Variants in FLNC observed in about 807,000 individuals in gnomAD.
FLNC encodes the protein filamin-C.
In FLNC, 91 loss-of-function variants were observed where a neutral mutation model predicts 254.3. The ratio of observed to expected loss-of-function variants is 0.36; its 90% confidence interval spans 0.30 to 0.43. FLNC has a LOEUF of 0.43. Among genes scored for constraint, FLNC ranks in the 20% least tolerant of loss-of-function variants. FLNC has a pLI of 1.00. For missense variants in FLNC, 2,853 were observed against 3,802.6 expected, an observed-to-expected ratio of 0.75 and a Z score of 6.57; for synonymous variants, 1,430 against 1,577.2, an observed-to-expected ratio of 0.91 and a Z score of 2.21.
chr7:128,848,960 T>G lies in FLNC; in HGVS notation c.4905T>G (p.Asp1635Glu). 1 of 1,612,166 alleles carries G rather than the reference T, an allele frequency of 6.2e-7. No individual in the cohort carries two copies. Among genetic ancestry groups the G allele is most frequent in the Non-Finnish European group, 8.5e-7 (1 of 1,179,050 alleles). The change falls in exon 28 of 48, where the codon GAT (aspartate) becomes GAG (glutamate). Residue 1635 changes from aspartate (D) to glutamate (E), a missense_variant. Around this residue, in one of 10 missense-constraint regions of FLNC, gnomAD observed 258 missense variants for 312.3 expected, o/e 0.83. Coordinates refer to ENST00000325888, the MANE Select transcript of FLNC (RefSeq NM_001458.5). ...PFRIHALPTG[D>E]ASKCLVTVSI... ...GCATCCATGCTCTGCCCACTGGGGA[T>G]GCCAGCAAGTGCCTCGTCACAGGTG...
rs1406758907 is a variant in FLNC at position 128,840,913 on chromosome 7, G to A, written c.1756G>A (p.Val586Met). 1 of 1,612,474 alleles carries A rather than the reference G, an allele frequency of 6.2e-7. No homozygotes were observed. The highest frequency in any genetic ancestry group is 1.7e-5 in the Admixed American group (1 of 59,786). ...GGGTCCTGGTTTGGAGACTGGCCAG[G>A]TGGGCAAGTCAGCCGATTTTGTGGT... ...AWGPGLETGQ[V>M]GKSADFVVEA... Residue 586 changes from valine to methionine, a missense_variant, in exon 11 of 48, where the codon GTG becomes ATG. Val to Met is a conservative substitution (Grantham distance 21). This residue lies in a region of FLNC where 1,573 missense variants were observed against 1,883.5 expected (regional missense o/e 0.84). Transcript: ENST00000325888.
chr7:128,842,253 A>T lies in FLNC; in HGVS notation c.2144A>T (p.Asp715Val), dbSNP rs2128935531. The change falls in exon 14 of 48, where the codon GAC becomes GTC. Residue 715 changes from aspartate (D) to valine (V), a missense_variant. This residue lies in a region of FLNC where 1,573 missense variants were observed against 1,883.5 expected (regional missense o/e 0.84). Coordinates refer to ENST00000325888, the MANE Select transcript of FLNC (RefSeq NM_001458.5). This position sits in a 1 kb window ranked among gnomAD's most constrained non-coding sequence, Gnocchi z 5.4. ...YAQDADGCPI[D>V]IKVIPNGDGT... ...CAGGACGCCGACGGCTGTCCCATCG[A>T]CATCAAGGTGATCCCCAACGGCGAC... is the stretch of plus-strand genomic sequence containing the variant. 2 of 1,613,730 alleles carry T rather than the reference A, an allele frequency of 1.2e-6. No homozygotes were observed. Among genetic ancestry groups the T allele is most frequent in the East Asian group, 4.5e-5 (2 of 44,870 alleles).
chr7:128,839,198 C>T (rs1304749597), intron 8 of FLNC, among the ~76,000 whole-genome samples: 1 of 152,248 alleles, frequency 6.6e-6, no homozygotes, highest in African/African-American at 2.4e-5. Flanking sequence ...AGCTGACTGG[C>T]CTCACCTGTG....
rs1405361731 is a variant in FLNC, at chr7:128,841,980, C to T, written c.2122-251C>T. 2.6e-5 allele frequency among the ~76,000 whole-genome samples: 4 copies of T among 152,166 alleles called. No individual in the cohort carries two copies. Among genetic ancestry groups the T allele is most frequent in the Admixed American group, 2.6e-4 (4 of 15,284 alleles). ...TAAATTTAGCCCACACTCTTCCTGT[C>T]CAACACATTTCAGAGTTGAGGAAAC... On this transcript the variant is annotated intron_variant, in intron 13 of 47. Coordinates refer to ENST00000325888, the MANE Select transcript of FLNC (RefSeq NM_001458.5). The surrounding 1 kb of genome is among the most constrained non-coding windows in gnomAD (Gnocchi z 4.3).
Position 128,845,098 on chromosome 7 carries a change from C to G in FLNC, c.3633C>G (p.Thr1211=). ...EVLIHNNADG[T]YHITYSPAFP... is the part of the protein sequence containing the mutation. Reference sequence around the variant, plus strand: ...TGATCCACAACAACGCGGATGGCACCTACCACATCACCTACAGCCCTGCCT... The same window carrying G: ...TGATCCACAACAACGCGGATGGCACGTACCACATCACCTACAGCCCTGCCT... The change falls in exon 21 of 48, where the codon ACC becomes ACG. Residue 1211 remains threonine, a synonymous_variant. Transcript: ENST00000325888. 6.2e-7 allele frequency: 1 copy of G among 1,613,926 alleles called. No homozygotes were observed. Among genetic ancestry groups the G allele is most frequent in the Non-Finnish European group, 8.5e-7 (1 of 1,180,034 alleles).
At position 128,830,459 on chromosome 7, in the gene FLNC, C is replaced by G; in HGVS notation, c.-179C>G. 1 of 614,024 alleles carries G rather than the reference C, an allele frequency of 1.6e-6. No individual in the cohort carries two copies. The highest frequency in any genetic ancestry group is 2.9e-6 in the Non-Finnish European group (1 of 349,272). 38.0% of individuals were successfully genotyped at this position (614,024 alleles called of 1,614,324 possible). ...GAGGGAGAGAGAGCCAGAGAGCGGC[C>G]GAGCGCCTAGGAGGCCCGCCGAGCC... is the stretch of plus-strand genomic sequence containing the variant. On this transcript the variant is annotated 5_prime_UTR_variant, in exon 1 of 48. Coordinates refer to ENST00000325888, the MANE Select transcript of FLNC (RefSeq NM_001458.5).
In FLNC at chr7:128,856,748, A is replaced by G. The variant is rs745579826; in HGVS notation, c.7388A>G (p.Lys2463Arg). 12 of 1,614,042 alleles carry G rather than the reference A, an allele frequency of 7.4e-6. No homozygotes were observed. Among genetic ancestry groups the G allele is most frequent in the Non-Finnish European group, 2.5e-6 (3 of 1,180,038 alleles). ...ECYVSELDSDKHTIRFIPHEN... is the reference protein window; with the variant it reads ...ECYVSELDSDRHTIRFIPHEN... ...GCCACCAACCCTTTATCCACAGACAAGCACACCATCCGCTTCATCCCCCAC... is the reference window on the plus strand; with the variant it reads ...GCCACCAACCCTTTATCCACAGACAGGCACACCATCCGCTTCATCCCCCAC... Residue 2463 changes from lysine (K) to arginine (R), a missense_variant, in exon 45 of 48, where the codon AAG becomes AGG. This residue lies in a region of FLNC where 47 missense variants were observed against 40.3 expected (regional missense o/e 1.17). Transcript: ENST00000325888. The surrounding 1 kb of genome is among the most constrained non-coding windows in gnomAD (Gnocchi z 5.9).
At position 128,848,632 on chromosome 7, in the gene FLNC, C is replaced by A. The variant is rs1317971638; in HGVS notation, c.4652C>A (p.Ala1551Asp). 1 of 1,613,680 alleles carries A rather than the reference C, an allele frequency of 6.2e-7. No homozygotes were observed. Among genetic ancestry groups the A allele is most frequent in the Non-Finnish European group, 8.5e-7 (1 of 1,180,034 alleles). Residue 1551 changes from alanine (A) to aspartate (D), a missense_variant, in exon 27 of 48, where the codon GCC becomes GAC. Transcript: ENST00000325888. ...CGGGCCAGCGGCCCAGGCCTCAACG[C>A]CTCTGGCATCCCTGCCAGCCTGCCT... ...KVRASGPGLNASGIPASLPVE... is the reference protein window; with the variant it reads ...KVRASGPGLNDSGIPASLPVE...
chr7:128,848,680 G>C lies in FLNC; in HGVS notation c.4700G>C (p.Arg1567Pro), dbSNP rs2291569. The C allele has an allele frequency of 1.2e-6, 2 of 1,613,328 alleles. No individual in the cohort carries two copies. Among genetic ancestry groups the C allele is most frequent in the Non-Finnish European group, 1.7e-6 (2 of 1,179,998 alleles). ...CCTGTGGAGTTCACCATCGACGCAC[G>C]GGACGCGGGCGAGGGGTTGCTCACT... ...SLPVEFTIDA[R>P]DAGEGLLTVQ... The change falls in exon 27 of 48, where the codon CGG becomes CCG. Residue 1567 changes from arginine (R) to proline (P), a missense_variant. By Grantham distance (103) the Arg-to-Pro change is moderately radical (BLOSUM62 -2). Coordinates refer to ENST00000325888, the MANE Select transcript of FLNC (RefSeq NM_001458.5).
chr7:128,853,303 C>A, intron 37 of FLNC, 166 bp from the exon 38 acceptor site: 1 of 840,918 alleles, frequency 1.2e-6, no homozygotes, highest in Non-Finnish European at 1.9e-6. Flanking sequence ...ATTTTCCAGA[C>A]CGCCTGTCCC....
rs748785077 is a variant in FLNC at position 128,844,841 on chromosome 7, C to G, written c.3376C>G (p.Pro1126Ala). 27 of 1,614,124 alleles carry G rather than the reference C, an allele frequency of 1.7e-5. No individual in the cohort carries two copies. Among genetic ancestry groups the G allele is most frequent in the Non-Finnish European group, 1.9e-5 (23 of 1,180,038 alleles). ...TGCTGTCAGCTACCTGCCCACGGAGCCTGGCGAGTACACCATCAACATCCT... is the reference window on the plus strand; with the variant it reads ...TGCTGTCAGCTACCTGCCCACGGAGGCTGGCGAGTACACCATCAACATCCT... Reference protein sequence around the residue: ...SCAVSYLPTEPGEYTINILFA... With the variant: ...SCAVSYLPTEAGEYTINILFA... The change falls in exon 21 of 48, where the codon CCT (proline) becomes GCT (alanine). Residue 1126 changes from proline (P) to alanine (A), a missense_variant. Physicochemically the swap from Pro to Ala is conservative, Grantham distance 27. This residue lies in a region of FLNC where 1,573 missense variants were observed against 1,883.5 expected (regional missense o/e 0.84). Transcript: ENST00000325888.
rs200237564 is a variant in FLNC at position 128,846,302 on chromosome 7, C to T, written c.3966C>T (p.Gly1322=). The T allele has an allele frequency of 8.2e-4, 1,328 of 1,613,764 alleles. No individual in the cohort carries two copies. The highest frequency in any genetic ancestry group is 9.4e-4 in the Non-Finnish European group (1,110 of 1,179,942). The change falls in exon 23 of 48, where the codon GGC becomes GGT. Residue 1322 remains glycine (G), a splice_region_variant and synonymous_variant. Transcript: ENST00000325888. Reference sequence around the variant, plus strand: ...GATGCCCCTGTGGCTGGCTTCCAGGCGTGCATCTGGTGGAGGTCCTGTATG... The same window carrying T: ...GATGCCCCTGTGGCTGGCTTCCAGGTGTGCATCTGGTGGAGGTCCTGTATG... ...YRVQYTAYEE[G]VHLVEVLYDE...
chr7:128,850,697 C>T, intron 32 of FLNC, 106 bp from the exon 33 acceptor site: 1 of 1,538,318 alleles, frequency 6.5e-7, no homozygotes, highest in Non-Finnish European at 8.9e-7. Context: ...CTCTTGATGC[C>T]TGGCTTCTCG....
Position 128,841,454 on chromosome 7 carries a change from G to A in FLNC, c.2008G>A (p.Val670Met), listed in dbSNP as rs1374793464. The A allele has an allele frequency of 4.3e-6, 7 of 1,613,780 alleles. No homozygotes were observed. Among genetic ancestry groups the A allele is most frequent in the Non-Finnish European group, 5.9e-6 (7 of 1,179,820 alleles). The change falls in exon 13 of 48, where the codon GTG becomes ATG. Residue 670 changes from valine to methionine, a missense_variant and splice_region_variant. Physicochemically the swap from Val to Met is conservative, Grantham distance 21. This residue lies in a region of FLNC where 1,573 missense variants were observed against 1,883.5 expected (regional missense o/e 0.84). Coordinates refer to ENST00000325888, the MANE Select transcript of FLNC (RefSeq NM_001458.5). The surrounding 1 kb of genome is among the most constrained non-coding windows in gnomAD (Gnocchi z 4.3). ...PAPPDCFPDK[V>M]KAFGPGLEPT... ...ACTCAGCCTTCTTCCCTCCGCACAGGTGAAGGCCTTTGGGCCTGGCCTGGA... is the reference window on the plus strand; with the variant it reads ...ACTCAGCCTTCTTCCCTCCGCACAGATGAAGGCCTTTGGGCCTGGCCTGGA...
In FLNC at chr7:128,840,654, C is replaced by T. The variant is rs1585155760; in HGVS notation, c.1656C>T (p.Gly552=). The change falls in exon 10 of 48, where the codon GGC becomes GGT. Residue 552 remains glycine, a synonymous_variant. Transcript: ENST00000325888. The part of the protein sequence containing the change: ...PGKYVVTITW[G]GYAIPRSPFE... ...AGTATGTGGTGACCATCACGTGGGGCGGCTACGCCATCCCTCGCAGGTGAG... is the reference window on the plus strand; with the variant it reads ...AGTATGTGGTGACCATCACGTGGGGTGGCTACGCCATCCCTCGCAGGTGAG... The T allele has an allele frequency of 5.0e-6, 8 of 1,614,166 alleles. No individual in the cohort carries two copies. The highest frequency in any genetic ancestry group is 2.2e-5 in the South Asian group (2 of 91,082).
chr7:128,848,125 G>A, intron 26 of FLNC, 57 bp downstream of exon 26: 2 of 1,555,934 alleles, frequency 1.3e-6, no homozygotes, highest in Non-Finnish European at 1.7e-6. Flanking sequence ...GCTCCTGCTG[G>A]GGTGGCACTC....
At position 128,853,744 on chromosome 7, in the gene FLNC, G is replaced by A. The variant is rs757511370; in HGVS notation, c.6391G>A (p.Glu2131Lys). 5.0e-6 allele frequency: 8 copies of A among 1,613,770 alleles called. No individual in the cohort carries two copies. Among genetic ancestry groups the A allele is most frequent in the South Asian group, 3.3e-5 (3 of 91,088 alleles). Residue 2131 changes from glutamate to lysine, a missense_variant, in exon 39 of 48, where the codon GAG (glutamate) becomes AAG (lysine). By Grantham distance (56) the Glu-to-Lys change is moderately conservative. This residue lies in a region of FLNC where 551 missense variants were observed against 835.0 expected (regional missense o/e 0.66). Coordinates refer to ENST00000325888, the MANE Select transcript of FLNC (RefSeq NM_001458.5). ...CCCCTTCACTGTGAAGGTGACCGGC[G>A]AGGGCCGCATGAAGGAGAGCATCAC... is the stretch of plus-strand genomic sequence containing the variant. Reference protein sequence around the residue: ...GSPFTVKVTGEGRMKESITRR... With the variant: ...GSPFTVKVTGKGRMKESITRR...
rs1562995010 is a variant in FLNC at position 128,842,413 on chromosome 7, G to GTCCCTGAGGGAGGGCGGAACCC, written c.2265+42_2265+63dup. The GTCCCTGAGGGAGGGCGGAACCC allele has an allele frequency of 6.2e-6, 10 of 1,612,680 alleles. No individual in the cohort carries two copies. The highest frequency in any genetic ancestry group is 7.6e-6 in the Non-Finnish European group (9 of 1,179,678). ...GCCTGCCCCGTGCCCACCACCAGGG[G>GTCCCTGAGGGAGGGCGGAACCC]TCCCTGAGGGAGGGCGGAACCCTCG... On this transcript the variant is annotated intron_variant, in intron 14 of 47. Coordinates refer to ENST00000325888, the MANE Select transcript of FLNC (RefSeq NM_001458.5). The surrounding 1 kb of genome is among the most constrained non-coding windows in gnomAD (Gnocchi z 5.4).
Position 128,855,193 on chromosome 7 carries a change from C to A in FLNC, c.7136-6C>A, listed in dbSNP as rs368292177. 9.6e-5 allele frequency: 153 copies of A among 1,593,758 alleles called. 1 individual carries two copies. Among genetic ancestry groups the A allele is most frequent in the Admixed American group, 6.7e-5 (4 of 59,994 alleles). On this transcript the variant is annotated splice_region_variant and splice_polypyrimidine_tract_variant and intron_variant, in intron 42 of 47. Transcript: ENST00000325888. ...GGAACCTGTGCTGACTGGTCTCTCT[C>A]CCCAGGTGACTATGAGGTCTCCATC...
Sources: gnomAD v4.1 joint callset for allele counts (sites outside exome capture counted in the v4.1 genomes callset) on GRCh38, gnomAD v4.1.1 for gene constraint, gnomAD v4.1.1 regional missense constraint, Gnocchi (gnomAD v3.1) non-coding constraint, MANE v1.5 for transcripts, NCBI Gene and HGNC (gene_info 2026-07-23, HGNC 2026-07-21) for gene names.